ZNF70: variants seen among roughly 807,000 people sequenced by gnomAD.
ZNF70 encodes the protein zinc finger protein N27C7-1.
In ZNF70, 18 loss-of-function variants were observed where a neutral mutation model predicts 37.7. That is an observed-to-expected ratio of 0.48 (90% confidence interval 0.33 to 0.71). The LOEUF (loss-of-function observed/expected upper bound fraction) is 0.71, where lower values mean the gene tolerates loss of function less well. ZNF70 is among the 30% of genes least tolerant of loss of function. The probability of loss-of-function intolerance (pLI) is 0.02; values close to 1 mark genes in which losing one functional copy is unlikely to be tolerated. For missense variants in ZNF70, 506 were observed against 568.6 expected (o/e 0.89, Z 1.12); for synonymous variants, 219 against 220.1 (o/e 0.99, Z 0.05).
chr22:23,741,657 A>G lies in ZNF70; in HGVS notation c.*2143T>C, dbSNP rs757077115. 5.9e-5 allele frequency: 9 copies of G among 152,378 alleles called. No homozygotes were observed. The highest frequency in any genetic ancestry group is 3.9e-4 in the Admixed American group (6 of 15,296). 9.4% of individuals were successfully genotyped at this position (152,378 alleles called of 1,614,324 possible). Reference sequence around the variant, plus strand: ...GAGCTTCTGATCAGCTGAAATACCCAGTGTTACCATGATGAGTTCATGTTA... The same window carrying G: ...GAGCTTCTGATCAGCTGAAATACCCGGTGTTACCATGATGAGTTCATGTTA... On this transcript the variant is annotated 3_prime_UTR_variant, in exon 2 of 2. Coordinates refer to ENST00000341976, the MANE Select transcript of ZNF70 (RefSeq NM_021916.4).
In ZNF70 at chr22:23,741,840, CCTGAGGCT is replaced by C. The variant is rs1569133446; in HGVS notation, c.*1952_*1959del. ...AGCTGACCATCAGCCTGAGCCCATC[CCTGAGGCT>C]CCGGGTGCGGGGAGCAGGGAGTGAG... On this transcript the variant is annotated 3_prime_UTR_variant, in exon 2 of 2. Coordinates refer to ENST00000341976, the MANE Select transcript of ZNF70 (RefSeq NM_021916.4). The C allele has an allele frequency of 6.6e-6, 1 of 152,446 alleles. No homozygotes were observed. Among genetic ancestry groups the C allele is most frequent in the Non-Finnish European group, 1.5e-5 (1 of 68,182 alleles). The allele number at this position is 152,446 out of a possible 1,614,324, so 9.4% of individuals were successfully genotyped here.
rs1043390699 is a variant in ZNF70, at chr22:23,751,072, A to T, written c.-441T>A. 1.3e-5 allele frequency: 2 copies of T among 151,826 alleles called. No homozygotes were observed. The highest frequency in any genetic ancestry group is 1.3e-4 in the Admixed American group (2 of 15,244). 9.4% of individuals were successfully genotyped at this position (151,826 alleles called of 1,614,324 possible). On this transcript the variant is annotated 5_prime_UTR_variant, in exon 1 of 2. Transcript: ENST00000341976. ...CCTGAGCTGCTCCAACCCGCGGCCG[A>T]CGCGGCCGACGCTGCCTGGCTCCAC...
In ZNF70 at chr22:23,742,791, G is replaced by C. The variant is rs1468759343; in HGVS notation, c.*1009C>G. The C allele has an allele frequency of 6.6e-6, 1 of 152,258 alleles. No individual in the cohort carries two copies. The highest frequency in any genetic ancestry group is 1.5e-5 in the Non-Finnish European group (1 of 68,088). 9.4% of individuals were successfully genotyped at this position (152,258 alleles called of 1,614,324 possible). On this transcript the variant is annotated 3_prime_UTR_variant, in exon 2 of 2. Coordinates refer to ENST00000341976, the MANE Select transcript of ZNF70 (RefSeq NM_021916.4). The stretch of plus-strand genomic sequence containing the variant: ...TCCCATTACCCCAACTCTTGGATGG[G>C]GGAATGGAGCCTGGGGAAGTTACAG...
chr22:23,747,278 G>T (rs1282009809), intron 1 of ZNF70, among the ~76,000 whole-genome samples: 1 of 152,184 alleles, frequency 6.6e-6, no homozygotes, highest in African/African-American at 2.4e-5. Flanking sequence ...GAGCATTACA[G>T]CCTGAACTCT....
chr22:23,743,658 T>G lies in ZNF70; in HGVS notation c.*142A>C. The G allele has an allele frequency of 4.1e-6, 5 of 1,230,842 alleles. No individual in the cohort carries two copies. The highest frequency in any genetic ancestry group is 5.6e-6 in the Non-Finnish European group (5 of 886,032). 76.2% of individuals were successfully genotyped at this position (1,230,842 alleles called of 1,614,324 possible). A position where few individuals can be genotyped will look rare whatever the true frequency, so the allele number is the denominator to read the frequency against. ...GGCCCAGGGCCACACAGGGCCTTCC[T>G]GCTAGTGGGATGTTCAAGAGCGCTT... On this transcript the variant is annotated 3_prime_UTR_variant, in exon 2 of 2. Transcript: ENST00000341976.
chr22:23,744,746 C>T lies in ZNF70; in HGVS notation c.395G>A (p.Arg132Lys), dbSNP rs1213707875. ...RGDSGPNAPH[R>K]TPQPAKPYAC... ...ATAGGGCTTGGCTGGTTGTGGGGTT[C>T]TGTGAGGTGCGTTAGGTCCTGAGTC... The change falls in exon 2 of 2, where the codon AGA (arginine) becomes AAA (lysine). Residue 132 changes from arginine (R) to lysine (K), a missense_variant. Arg to Lys is a conservative substitution (Grantham distance 26, BLOSUM62 2). Coordinates refer to ENST00000341976, the MANE Select transcript of ZNF70 (RefSeq NM_021916.4). The T allele has an allele frequency of 6.2e-7, 1 of 1,614,220 alleles. No homozygotes were observed. Among genetic ancestry groups the T allele is most frequent in the South Asian group, 1.1e-5 (1 of 91,080 alleles).
At position 23,744,182 on chromosome 22, in the gene ZNF70, C is replaced by A; in HGVS notation, c.959G>T (p.Ser320Ile). The stretch of plus-strand genomic sequence containing the variant: ...CTTGCGGTGCTCAATGAGGTTGGAG[C>A]TCTGGCTGAAGGCCTTCCCGCACTC... ...CDECGKAFSQ[S>I]SNLIEHRKTH... The change falls in exon 2 of 2, where the codon AGC becomes ATC. Residue 320 changes from serine to isoleucine, a missense_variant. Ser to Ile is a moderately radical substitution (Grantham distance 142). Coordinates refer to ENST00000341976, the MANE Select transcript of ZNF70 (RefSeq NM_021916.4). 1 of 1,614,164 alleles carries A rather than the reference C, an allele frequency of 6.2e-7. No individual in the cohort carries two copies. The highest frequency in any genetic ancestry group is 8.5e-7 in the Non-Finnish European group (1 of 1,180,034).
Position 23,751,061 on chromosome 22 carries a change from A to T in ZNF70, c.-430T>A, listed in dbSNP as rs1468436845. On this transcript the variant is annotated 5_prime_UTR_variant, in exon 1 of 2. It adds an upstream start codon to the 5' untranslated region. Coordinates refer to ENST00000341976, the MANE Select transcript of ZNF70 (RefSeq NM_021916.4). ...GCGGGGCCGCACCTGAGCTGCTCCA[A>T]CCCGCGGCCGACGCGGCCGACGCTG... 4 of 151,648 alleles carry T rather than the reference A, an allele frequency of 2.6e-5. No individual in the cohort carries two copies. The highest frequency in any genetic ancestry group is 9.6e-5 in the African/African-American group (4 of 41,454). 9.4% of individuals were successfully genotyped at this position (151,648 alleles called of 1,614,324 possible).
chr22:23,745,572 C>G (rs1468362161), intron 1 of ZNF70, among the ~76,000 whole-genome samples: 4 of 152,110 alleles, frequency 2.6e-5, no homozygotes, highest in African/African-American at 4.8e-5. Flanking sequence ...GAGTTCAAAA[C>G]CAGCCTGGTC....
chr22:23,747,773 G>C (rs373908710), intron 1 of ZNF70, among the ~76,000 whole-genome samples: 1 of 152,038 alleles, frequency 6.6e-6, no homozygotes, highest in Non-Finnish European at 1.5e-5. Flanking sequence ...CAGAGCTTGC[G>C]AGATCATGCC....
rs1924864415 is a variant in ZNF70, at chr22:23,741,143, C to T, written c.*2657G>A. On this transcript the variant is annotated 3_prime_UTR_variant, in exon 2 of 2. Transcript: ENST00000341976. The stretch of plus-strand genomic sequence containing the variant: ...GAGTGGTGACTTGTGCAAAATGATG[C>T]TTTAAAAATCAATTTGGCTGGGGTG... The T allele has an allele frequency of 6.6e-6, 1 of 152,158 alleles. No individual in the cohort carries two copies. The highest frequency in any genetic ancestry group is 2.1e-4 in the South Asian group (1 of 4,826). 9.4% of individuals were successfully genotyped at this position (152,158 alleles called of 1,614,324 possible).
intron 1 of ZNF70, among the ~76,000 whole-genome samples, chr22:23,748,285 G>A (rs755484776): frequency 7.9e-5 from 12 of 152,114 alleles, no homozygotes; most frequent in Admixed American, 5.9e-4. Context: ...TGTCACCCAG[G>A]CTGGAGTGCA....
intron 1 of ZNF70, among the ~76,000 whole-genome samples, chr22:23,748,592 A>G (rs981812600): frequency 6.7e-6 from 1 of 148,816 alleles, no homozygotes; most frequent in African/African-American, 2.5e-5. Context: ...TTGCCCAGCC[A>G]GGAGTGCAAT....
At position 23,743,877 on chromosome 22, in the gene ZNF70, T is replaced by G. The variant is rs749734935; in HGVS notation, c.1264A>C (p.Asn422His). 2 of 1,614,206 alleles carry G rather than the reference T, an allele frequency of 1.2e-6. No homozygotes were observed. ...CCCCGGAAGGACTTGCCGCACAGATTGCACACGTAGGGCTTCTCTCTGGTG... is the reference window on the plus strand; with the variant it reads ...CCCCGGAAGGACTTGCCGCACAGATGGCACACGTAGGGCTTCTCTCTGGTG... ...THTREKPYVC[N>H]LCGKSFRGSS... The change falls in exon 2 of 2, where the codon AAT becomes CAT. Residue 422 changes from asparagine (N) to histidine (H), a missense_variant. Physicochemically the swap from Asn to His is moderately conservative, Grantham distance 68. Coordinates refer to ENST00000341976, the MANE Select transcript of ZNF70 (RefSeq NM_021916.4).
intron 1 of ZNF70, among the ~76,000 whole-genome samples, chr22:23,746,197 T>C (rs1404623729): frequency 6.9e-6 from 1 of 144,928 alleles, no homozygotes; most frequent in African/African-American, 2.6e-5. Context: ...ATTATGGTGG[T>C]TCCCTTTTTT....
rs1260405786 is a variant in ZNF70, at chr22:23,740,329, AAG to A, written c.*3469_*3470del. 2 of 151,766 alleles carry A rather than the reference AAG, an allele frequency of 1.3e-5. No homozygotes were observed. Among genetic ancestry groups the A allele is most frequent in the Non-Finnish European group, 2.9e-5 (2 of 67,976 alleles). 9.4% of individuals were successfully genotyped at this position (151,766 alleles called of 1,614,324 possible). Reference sequence around the variant, plus strand: ...CATCTCAAAAAAAGAAAAAAGAAAAAAGAAAAAAAAAGGTAGGACAACAAAAA... The same window carrying A: ...CATCTCAAAAAAAGAAAAAAGAAAAAAAAAAAAAAGGTAGGACAACAAAAA... On this transcript the variant is annotated 3_prime_UTR_variant, in exon 2 of 2. Coordinates refer to ENST00000341976, the MANE Select transcript of ZNF70 (RefSeq NM_021916.4).
At chr22:23,747,749 G>A (rs1377046961) in intron 1 of ZNF70, among the ~76,000 whole-genome samples, 2 of 152,090 alleles carry the variant, frequency 1.3e-5, no homozygotes, top group African/African-American at 2.4e-5. Context: ...GGAGAATGGC[G>A]TGAACTCAGG....
rs745659545 is a variant in ZNF70, at chr22:23,740,258, C to T, written c.*3542G>A. 9.3e-5 allele frequency: 14 copies of T among 150,290 alleles called. No homozygotes were observed. Among genetic ancestry groups the T allele is most frequent in the African/African-American group, 2.7e-4 (11 of 40,716 alleles). 9.3% of individuals were successfully genotyped at this position (150,290 alleles called of 1,614,324 possible). ...CTGGGAGGTAGAGCTTGCAGTAAGC[C>T]GAGATCGCCCCACTGCACTACAGCC... is the stretch of plus-strand genomic sequence containing the variant. On this transcript the variant is annotated 3_prime_UTR_variant, in exon 2 of 2. Transcript: ENST00000341976.
chr22:23,744,317 G>T lies in ZNF70; in HGVS notation c.824C>A (p.Thr275Asn), dbSNP rs1368722620. The change falls in exon 2 of 2, where the codon ACC becomes AAC. Residue 275 changes from threonine (T) to asparagine (N), a missense_variant. Transcript: ENST00000341976. The stretch of plus-strand genomic sequence containing the variant: ...ATCGCACTCGTGAGGTTTCTTTAGG[G>T]TGTGGATCTTCCGATGCTGGCTCAG... ...SGLSQHRKIHTLKKPHECDLC... is the reference protein window; with the variant it reads ...SGLSQHRKIHNLKKPHECDLC... The T allele has an allele frequency of 1.2e-6, 2 of 1,614,034 alleles. No homozygotes were observed. Among genetic ancestry groups the T allele is most frequent in the Non-Finnish European group, 1.7e-6 (2 of 1,180,036 alleles).
Sources: allele counts gnomAD v4.1 joint callset (sites outside exome capture counted in the v4.1 genomes callset), GRCh38; gene constraint gnomAD v4.1.1; transcripts MANE v1.5; gene names NCBI Gene and HGNC (gene_info 2026-07-23, HGNC 2026-07-21).